Variants in RALGAPA1 observed in about 807,000 individuals in gnomAD.
RALGAPA1 encodes ral GTPase-activating protein subunit alpha-1.
RALGAPA1 carries 52 observed loss-of-function variants against 269.6 expected under a neutral mutation model. That is an observed-to-expected ratio of 0.19 (90% confidence interval 0.15 to 0.24). RALGAPA1 has a LOEUF of 0.24. RALGAPA1 is among the 10% of genes least tolerant of loss of function. The probability of loss-of-function intolerance (pLI) is 1.00; values close to 1 mark genes in which losing one functional copy is unlikely to be tolerated. For synonymous variants in RALGAPA1, 817 were observed against 1,008.3 expected (o/e 0.81, Z 3.60); for missense variants, 1,917 against 3,013.9 (o/e 0.64, Z 8.52).
intron 41 of RALGAPA1, among the ~76,000 whole-genome samples, chr14:35,545,402 G>C (rs2054365852): frequency 6.6e-6 from 1 of 151,530 alleles, no homozygotes; most frequent in Admixed American, 6.6e-5. Flanking sequence ...ACTACTCTAG[G>C]TTTTCATAGT....
intron 21 of RALGAPA1, among the ~76,000 whole-genome samples, chr14:35,681,276 C>T (rs987535275): frequency 3.9e-5 from 6 of 152,174 alleles, no homozygotes; most frequent in African/African-American, 1.4e-4. Flanking sequence ...GAAACAAATA[C>T]AACTGCCTTA....
At chr14:35,670,909 T>A (rs1370532680) in intron 26 of RALGAPA1, among the ~76,000 whole-genome samples, 2 of 148,016 alleles carry the variant, frequency 1.4e-5, no homozygotes, top group Non-Finnish European at 3.0e-5. Context: ...GGCGACAGAG[T>A]AAGACTTCCA....
At chr14:35,695,435 A>G (rs12894735) in intron 17 of RALGAPA1, among the ~76,000 whole-genome samples, 1 of 152,204 alleles carries the variant, frequency 6.6e-6, no homozygotes, top group East Asian at 1.9e-4. Flanking sequence ...GAGACATACT[A>G]TTTTATTTTT....
At chr14:35,770,389 C>T (rs1315639455) in intron 4 of RALGAPA1, among the ~76,000 whole-genome samples, 1 of 151,606 alleles carries the variant, frequency 6.6e-6, no homozygotes. Context: ...TTTCTTGCCA[C>T]TTTTATTTAA....
chr14:35,598,576 C>T (rs1023751168), intron 36 of RALGAPA1, among the ~76,000 whole-genome samples: 16 of 150,922 alleles, frequency 1.1e-4, no homozygotes, highest in South Asian at 1.1e-3. Context: ...TCTGCCACCA[C>T]GCCCGGCTAA....
chr14:35,793,813 G>A (rs940182038), intron 1 of RALGAPA1, among the ~76,000 whole-genome samples: 1 of 152,074 alleles, frequency 6.6e-6, no homozygotes, highest in East Asian at 1.9e-4. Context: ...TTAAGTGATG[G>A]CTATTCAGTT....
At chr14:35,635,000 G>A (rs779367656) in intron 32 of RALGAPA1, among the ~76,000 whole-genome samples, 63 of 151,948 alleles carry the variant, frequency 4.1e-4, no homozygotes, top group Admixed American at 2.0e-4. Flanking sequence ...GCGAAACGCT[G>A]TGTCTACTAA....
chr14:35,722,294 C>T (rs1259274939), intron 15 of RALGAPA1, among the ~76,000 whole-genome samples: 7 of 152,184 alleles, frequency 4.6e-5, no homozygotes, highest in African/African-American at 1.7e-4. Context: ...GATGTAAACT[C>T]TAGCTAGCAA....
intron 1 of RALGAPA1, among the ~76,000 whole-genome samples, chr14:35,783,298 A>T (rs1335784155): frequency 1.3e-5 from 2 of 152,098 alleles, no homozygotes; most frequent in Non-Finnish European, 2.9e-5. Context: ...CAACTCAAGG[A>T]GGAAAAGGAG....
intron 4 of RALGAPA1, chr14:35,766,700 T>C (rs2074179135): frequency 1.7e-6 from 1 of 591,466 alleles, no homozygotes; most frequent in Admixed American, 2.0e-5. Context: ...AATAAAAATA[T>C]GAAAATTATT....
At position 35,684,021 on chromosome 14, in the gene RALGAPA1, A is replaced by G. The variant is rs748521572; in HGVS notation, c.4295-36T>C. ...AAGAAATGTTATTATATGAGTCCCAATTACAAAGTAAAAATATTTACGAGA... is the reference window on the plus strand; with the variant it reads ...AAGAAATGTTATTATATGAGTCCCAGTTACAAAGTAAAAATATTTACGAGA... On this transcript the variant is annotated intron_variant, in intron 20 of 41. Transcript: ENST00000680220. The G allele has an allele frequency of 1.2e-5, 18 of 1,537,948 alleles. No individual in the cohort carries two copies. The South Asian group carries it at 1.6e-4, about 14-fold the overall frequency.
intron 39 of RALGAPA1, among the ~76,000 whole-genome samples, chr14:35,559,498 G>GA (rs542795620): frequency 0.012 from 1,778 of 146,280 alleles, 11 homozygotes; most frequent in Middle Eastern, 0.025. Context: ...TTTAATACAG[G>GA]AAAAAAAAAA....
intron 17 of RALGAPA1, among the ~76,000 whole-genome samples, 180 bp downstream of exon 17, chr14:35,699,982 T>C (rs969717811): frequency 1.3e-5 from 2 of 151,682 alleles, no homozygotes; most frequent in African/African-American, 4.8e-5. Flanking sequence ...CAGAATGAAC[T>C]GCAAGGACAG....
At chr14:35,595,813 A>G in intron 36 of RALGAPA1, 24 bp from the exon 37 acceptor site, 1 of 1,594,310 alleles carries the variant, frequency 6.3e-7, no homozygotes. Context: ...AGAGTCACAT[A>G]AATTAATTAA....
intron 37 of RALGAPA1, among the ~76,000 whole-genome samples, chr14:35,595,049 G>GA (rs769832339): frequency 6.7e-6 from 1 of 149,150 alleles, no homozygotes; most frequent in African/African-American, 2.5e-5. Context: ...GACAAAGAAA[G>GA]AAAAAATATT....
intron 22 of RALGAPA1, 109 bp downstream of exon 22, chr14:35,677,841 A>G (rs2065079850): frequency 9.2e-7 from 1 of 1,092,356 alleles, no homozygotes; most frequent in Non-Finnish European, 1.3e-6. Context: ...GAAAAGTCCA[A>G]AATATTTACA....
intron 12 of RALGAPA1, among the ~76,000 whole-genome samples, chr14:35,730,541 G>GAAACAGACTCA (rs879280497): frequency 0.19 from 28,386 of 152,080 alleles, 3,428 homozygotes; most frequent in Admixed American, 0.3. Flanking sequence ...GTGTTGTTAG[G>GAAACAGACTCA]GCGGGCATGG....
intron 41 of RALGAPA1, chr14:35,542,014 A>G: frequency 1.6e-6 from 2 of 1,254,666 alleles, no homozygotes; most frequent in Non-Finnish European, 2.1e-6. Flanking sequence ...GTAAATTCAA[A>G]TGTTATACTT....
At chr14:35,647,524 C>T (rs1337598242) in intron 31 of RALGAPA1, among the ~76,000 whole-genome samples, 1 of 151,974 alleles carries the variant, frequency 6.6e-6, no homozygotes, top group Non-Finnish European at 1.5e-5. Flanking sequence ...ATGTAGTGTG[C>T]CAGCTTCTAA....
Sources: gnomAD v4.1 joint callset for allele counts (sites outside exome capture counted in the v4.1 genomes callset) on GRCh38, gnomAD v4.1.1 for gene constraint, MANE v1.5 for transcripts, NCBI Gene and HGNC (gene_info 2026-07-23, HGNC 2026-07-21) for gene names.